The following HSF2BP variants were observed in gnomAD, a reference collection of about 807,000 sequenced individuals.
HSF2BP encodes the protein heat shock factor 2-binding protein.
In HSF2BP, 35 loss-of-function variants were observed where a neutral mutation model predicts 35.0. The observed-to-expected ratio is 1.00, with a 90% confidence interval of 0.76 to 1.32. The LOEUF is 1.32. Ranked by LOEUF, HSF2BP falls within the 40% of genes most tolerant of loss-of-function variation. The pLI is 0.00. For synonymous variants in HSF2BP, 114 were observed against 117.4 expected, an observed-to-expected ratio of 0.97 and a Z score of 0.18; for missense variants, 326 against 321.7, an observed-to-expected ratio of 1.01 and a Z score of -0.10.
chr21:43,647,694 T>A (rs2082726577), intron 3 of HSF2BP, among the ~76,000 whole-genome samples: 1 of 151,990 alleles, frequency 6.6e-6, no homozygotes, highest in Non-Finnish European at 1.5e-5. Context: ...TCTTACCATT[T>A]CTTTATCACC....
chr21:43,584,843 G>C (rs1568887766), intron 8 of HSF2BP, among the ~76,000 whole-genome samples: 1 of 152,088 alleles, frequency 6.6e-6, no homozygotes, highest in African/African-American at 2.4e-5. Flanking sequence ...GTGGGACCGG[G>C]GCTTTGTCTC....
chr21:43,627,963 T>C (rs1309293088), intron 6 of HSF2BP, among the ~76,000 whole-genome samples: 1 of 152,196 alleles, frequency 6.6e-6, no homozygotes, highest in African/African-American at 2.4e-5. Context: ...GTAATTGTTT[T>C]AGGGCACCAT....
intron 6 of HSF2BP, among the ~76,000 whole-genome samples, chr21:43,616,041 G>GA (rs72045043): frequency 0.33 from 46,336 of 141,012 alleles, 7,797 homozygotes; most frequent in East Asian, 0.45. Flanking sequence ...CATCGCTGAA[G>GA]AAAAAAAAAA....
intron 8 of HSF2BP, among the ~76,000 whole-genome samples, chr21:43,581,699 T>C (rs1399284681): frequency 6.6e-6 from 1 of 152,188 alleles, no homozygotes; most frequent in Non-Finnish European, 1.5e-5. Context: ...AGAAAACTCC[T>C]GGAGAAAGAC....
intron 8 of HSF2BP, among the ~76,000 whole-genome samples, chr21:43,578,350 T>G (rs944232041): frequency 7.6e-6 from 1 of 130,996 alleles, no homozygotes; most frequent in Non-Finnish European, 1.6e-5. Context: ...TCCCTAGAGA[T>G]GTGTGTGTGT....
At position 43,574,635 on chromosome 21, in the gene HSF2BP, G is replaced by C. The variant is rs577356682; in HGVS notation, c.796+17590C>G. 7.2e-5 allele frequency among the ~76,000 whole-genome samples: 11 copies of C among 152,286 alleles called. No individual in the cohort carries two copies. The East Asian group carries it at 2.1e-3, about 29-fold the overall frequency. ...GCCTCCCAAAGTGCTGGGATTACAG[G>C]CTTGAGCCACTGCGCCCAGCCCTAA... On this transcript the variant is annotated intron_variant, in intron 8 of 8. Transcript: ENST00000291560.
At chr21:43,579,626 C>T (rs1183191546) in intron 8 of HSF2BP, among the ~76,000 whole-genome samples, 2 of 152,192 alleles carry the variant, frequency 1.3e-5, no homozygotes, top group Non-Finnish European at 2.9e-5. Context: ...GCAGCATCAA[C>T]CTTACTACCC....
At chr21:43,620,117 C>T (rs933058443) in intron 6 of HSF2BP, among the ~76,000 whole-genome samples, 1 of 152,098 alleles carries the variant, frequency 6.6e-6, no homozygotes. Context: ...GTAAACATAT[C>T]CAATAAAAAA....
chr21:43,616,073 T>C (rs1048699450), intron 6 of HSF2BP, among the ~76,000 whole-genome samples: 3 of 149,752 alleles, frequency 2.0e-5, no homozygotes, highest in African/African-American at 7.5e-5. Context: ...ATATATATCA[T>C]AGCAAGCAAC....
rs144417354 is a variant in HSF2BP, at chr21:43,632,202, CACAA to C, written c.441+1066_441+1069del. The stretch of plus-strand genomic sequence containing the variant: ...CCCCACACACACACATGCTCCCCCA[CACAA>C]ACACACATACGATCCCACATACACA... On this transcript the variant is annotated intron_variant, in intron 5 of 8. Transcript: ENST00000291560. Among the ~76,000 whole-genome samples the C allele has an allele frequency of 3.9e-3, 495 of 127,742 alleles. 22 individuals are homozygous for C. Among genetic ancestry groups the C allele is most frequent in the African/African-American group, 0.017 (462 of 27,440 alleles). The allele number at this position is 127,742 out of a possible 152,430, so 83.8% of individuals were successfully genotyped here. A position where few individuals can be genotyped will look rare whatever the true frequency, so the allele number is the denominator to read the frequency against.
At chr21:43,656,461 C>T (rs1345771252) in intron 3 of HSF2BP, 126 bp downstream of exon 3, 9 of 904,586 alleles carry the variant, frequency 9.9e-6, no homozygotes, top group South Asian at 3.5e-5. Flanking sequence ...GGTCATCAGA[C>T]TCTCCCAAAT....
chr21:43,648,494 G>C (rs768421566), intron 3 of HSF2BP, among the ~76,000 whole-genome samples: 2 of 152,004 alleles, frequency 1.3e-5, no homozygotes, highest in Non-Finnish European at 2.9e-5. Flanking sequence ...TTAGTTCCCG[G>C]ATGCTTCTTT....
At chr21:43,603,873 AAC>A (rs1335658786) in intron 7 of HSF2BP, among the ~76,000 whole-genome samples, 3 of 152,186 alleles carry the variant, frequency 2.0e-5, no homozygotes. Flanking sequence ...TCCCATGTAC[AAC>A]CCTATGAATG....
chr21:43,651,582 G>A (rs1298209392), intron 3 of HSF2BP, among the ~76,000 whole-genome samples: 1 of 152,092 alleles, frequency 6.6e-6, no homozygotes, highest in Non-Finnish European at 1.5e-5. Flanking sequence ...TTATTTCCAT[G>A]TGGTAATTTC....
At chr21:43,625,798 A>C (rs756514817) in intron 6 of HSF2BP, among the ~76,000 whole-genome samples, 3 of 152,132 alleles carry the variant, frequency 2.0e-5, no homozygotes, top group Non-Finnish European at 4.4e-5. Context: ...AACTCTTCAT[A>C]AGAGTTCCTA....
intron 6 of HSF2BP, among the ~76,000 whole-genome samples, chr21:43,627,832 G>T (rs2082407935): frequency 6.6e-6 from 1 of 152,194 alleles, no homozygotes; most frequent in Admixed American, 6.5e-5. Context: ...TTTTCCAACA[G>T]TGTGTGCTTA....
intron 4 of HSF2BP, among the ~76,000 whole-genome samples, chr21:43,637,818 AAG>A (rs2082585063): frequency 1.3e-5 from 2 of 150,724 alleles, no homozygotes; most frequent in African/African-American, 4.9e-5. Context: ...AAAAAAAAAA[AAG>A]AAAGAAAAAA....
At chr21:43,590,682 T>C (rs575495909) in intron 8 of HSF2BP, among the ~76,000 whole-genome samples, 2 of 152,122 alleles carry the variant, frequency 1.3e-5, no homozygotes, top group Non-Finnish European at 2.9e-5. Flanking sequence ...TGGATAGACA[T>C]GGATGGGTCT....
intron 6 of HSF2BP, among the ~76,000 whole-genome samples, chr21:43,626,460 C>T (rs981313802): frequency 2.0e-5 from 3 of 152,200 alleles, no homozygotes. Flanking sequence ...TATGCGGCTG[C>T]AAATTCTGCA....
Sources: gnomAD v4.1 joint callset for allele counts (sites outside exome capture counted in the v4.1 genomes callset) on GRCh38, gnomAD v4.1.1 for gene constraint, MANE v1.5 for transcripts, NCBI Gene and HGNC (gene_info 2026-07-23, HGNC 2026-07-21) for gene names.